Variants in UTP25 observed in about 807,000 individuals in gnomAD.
The protein encoded by UTP25 is U3 small nucleolar RNA-associated protein 25 homolog.
Under a neutral mutation model 78.9 loss-of-function variants are expected in UTP25, and 50 were observed. The observed-to-expected ratio is 0.63, with a 90% CI of 0.50 to 0.80. The LOEUF is 0.80. UTP25 is among the 30% of genes least tolerant of loss of function. UTP25 has a pLI of 0.00. For synonymous variants in UTP25, 329 were observed against 336.5 expected, an observed-to-expected ratio of 0.98 and a Z score of 0.24; for missense variants, 846 against 911.3, an observed-to-expected ratio of 0.93 and a Z score of 0.92.
intron 8 of UTP25, among the ~76,000 whole-genome samples, chr1:209,841,890 A>G (rs866022845): frequency 7.9e-5 from 12 of 152,346 alleles, no homozygotes; most frequent in Middle Eastern, 6.8e-3. Context: ...AACTATTCCT[A>G]ATGTTTTGAG....
Position 209,856,932 on chromosome 1 carries a change from T to C in UTP25, c.*5485T>C, listed in dbSNP as rs1288427273. 1 of 152,250 alleles carries C rather than the reference T, an allele frequency of 6.6e-6. No homozygotes were observed. The highest frequency in any genetic ancestry group is 1.5e-5 in the Non-Finnish European group (1 of 68,046). The allele number at this position is 152,250 out of a possible 1,614,324, so 9.4% of individuals were successfully genotyped here. On this transcript the variant is annotated 3_prime_UTR_variant, in exon 12 of 12. Coordinates refer to ENST00000491415, the MANE Select transcript of UTP25 (RefSeq NM_014388.7). ...AAAATAATTAGCAAGAGAACAGACTTCAGCTCTCTGAAGGCTGATGACCAC... is the reference window on the plus strand; with the variant it reads ...AAAATAATTAGCAAGAGAACAGACTCCAGCTCTCTGAAGGCTGATGACCAC...
chr1:209,843,775 C>G, intron 11 of UTP25, 79 bp downstream of exon 11: 1 of 1,527,736 alleles, frequency 6.5e-7, no homozygotes, highest in East Asian at 2.3e-5. Flanking sequence ...GAATGCATGG[C>G]AGGCTTCGTG....
intron 11 of UTP25, among the ~76,000 whole-genome samples, chr1:209,847,385 C>T (rs1168095767): frequency 1.3e-5 from 2 of 152,210 alleles, no homozygotes; most frequent in South Asian, 2.1e-4. Context: ...TCTCTATCCC[C>T]ACTCACATCT....
chr1:209,848,895 A>G lies in UTP25; in HGVS notation c.2028-2309A>G, dbSNP rs564544566. On this transcript the variant is annotated intron_variant, in intron 11 of 11. Coordinates refer to ENST00000491415, the MANE Select transcript of UTP25 (RefSeq NM_014388.7). ...TAGGCCACTGGTGTGGGTGCTATCAATCTAGTCAGGATTTGATTGTTACTG... is the reference window on the plus strand; with the variant it reads ...TAGGCCACTGGTGTGGGTGCTATCAGTCTAGTCAGGATTTGATTGTTACTG... 1.7e-4 allele frequency among the ~76,000 whole-genome samples: 26 copies of G among 152,284 alleles called. No homozygotes were observed. In the East Asian group the frequency reaches 3.9e-3, roughly 23 times the overall value.
chr1:209,839,114 A>G lies in UTP25; in HGVS notation c.1268A>G (p.Asp423Gly). The G allele has an allele frequency of 6.2e-7, 1 of 1,611,402 alleles. No individual in the cohort carries two copies. The highest frequency in any genetic ancestry group is 8.5e-7 in the Non-Finnish European group (1 of 1,178,038). The part of the protein sequence containing the change: ...YEAVFVGNID[D>G]HFRIGVAILQ... Reference sequence around the variant, plus strand: ...GCCGTATTTGTGGGCAATATTGATGACCACTTCAGGATTGGTAATTCTTCC... The same window carrying G: ...GCCGTATTTGTGGGCAATATTGATGGCCACTTCAGGATTGGTAATTCTTCC... Residue 423 changes from aspartate (D) to glycine (G), a missense_variant, in exon 7 of 12, where the codon GAC becomes GGC. Transcript: ENST00000491415.
At chr1:209,842,538 G>C (rs755210701) in intron 9 of UTP25, 45 bp from the exon 10 acceptor site, 1 of 1,611,378 alleles carries the variant, frequency 6.2e-7, no homozygotes, top group Non-Finnish European at 8.5e-7. Context: ...TTCTGGTCAA[G>C]AAGGGGATGG....
rs765221326 is a variant in UTP25, at chr1:209,842,328, C to T, written c.1549C>T (p.Arg517Trp). 30 of 1,613,928 alleles carry T rather than the reference C, an allele frequency of 1.9e-5. No homozygotes were observed. Among genetic ancestry groups the T allele is most frequent in the African/African-American group, 1.3e-5 (1 of 74,908 alleles). Residue 517 changes from arginine (R) to tryptophan (W), a missense_variant, in exon 9 of 12, where the codon CGG (arginine) becomes TGG (tryptophan). Transcript: ENST00000491415. The part of the protein sequence containing the change: ...DSHGVDFSRV[R>W]MWSLNNWSKY... ...ACATGGGGTAGACTTTTCTCGAGTG[C>T]GGATGTGGAGCCTCAATAATTGGTC... is the stretch of plus-strand genomic sequence containing the variant.
chr1:209,852,153 A>C lies in UTP25; in HGVS notation c.*706A>C, dbSNP rs764663297. On this transcript the variant is annotated 3_prime_UTR_variant, in exon 12 of 12. Coordinates refer to ENST00000491415, the MANE Select transcript of UTP25 (RefSeq NM_014388.7). ...ATCCATCTTCAACAGTAGTGTCTTC[A>C]TAATAACTAGTCATTTTTTCAGTCA... 6.6e-6 allele frequency: 1 copy of C among 152,218 alleles called. No individual in the cohort carries two copies. The highest frequency in any genetic ancestry group is 1.9e-4 in the East Asian group (1 of 5,202). 9.4% of individuals were successfully genotyped at this position (152,218 alleles called of 1,614,324 possible).
intron 5 of UTP25, 89 bp downstream of exon 5, chr1:209,835,252 T>C (rs2078126766): frequency 2.7e-6 from 3 of 1,112,692 alleles, no homozygotes; most frequent in African/African-American, 1.5e-5. Context: ...CCAGAATGTA[T>C]GATATACACC....
At chr1:209,849,095 G>T (rs1331596612) in intron 11 of UTP25, among the ~76,000 whole-genome samples, 1 of 152,064 alleles carries the variant, frequency 6.6e-6, no homozygotes, top group African/African-American at 2.4e-5. Flanking sequence ...CTCCTCACAG[G>T]AGGCCTCTTG....
intron 6 of UTP25, 86 bp downstream of exon 6, chr1:209,837,297 G>T: frequency 6.9e-7 from 1 of 1,445,482 alleles, no homozygotes; most frequent in Non-Finnish European, 9.3e-7. Flanking sequence ...AGGAACTTGG[G>T]TATTTTAATA....
chr1:209,835,739 A>G (rs546106936), intron 5 of UTP25, among the ~76,000 whole-genome samples: 1 of 152,332 alleles, frequency 6.6e-6, no homozygotes, highest in African/African-American at 2.4e-5. Context: ...ATAGATATAC[A>G]TGCAGTTGTA....
rs780867948 is a variant in UTP25, at chr1:209,840,858, G to A, written c.1288G>A (p.Ala430Thr). 3.1e-6 allele frequency: 5 copies of A among 1,612,084 alleles called. No individual in the cohort carries two copies. The East Asian group carries it at 8.9e-5, about 29-fold the overall frequency. Residue 430 changes from alanine (A) to threonine (T), a missense_variant, in exon 8 of 12, where the codon GCA (alanine) becomes ACA (threonine). By Grantham distance (58) the Ala-to-Thr change is moderately conservative. Coordinates refer to ENST00000491415, the MANE Select transcript of UTP25 (RefSeq NM_014388.7). ...NIDDHFRIGV[A>T]ILQRSIRLYA... ...TACTTGGCTGTTTTGTGTAGGAGTGGCAATACTTCAGAGAAGCATCCGACT... is the reference window on the plus strand; with the variant it reads ...TACTTGGCTGTTTTGTGTAGGAGTGACAATACTTCAGAGAAGCATCCGACT...
intron 11 of UTP25, among the ~76,000 whole-genome samples, chr1:209,845,625 A>G (rs1335841933): frequency 6.6e-6 from 1 of 152,216 alleles, no homozygotes; most frequent in Non-Finnish European, 1.5e-5. Context: ...ATCTCAGCAT[A>G]TGCCATTTGC....
Position 209,855,646 on chromosome 1 carries a change from C to T in UTP25, c.*4199C>T, listed in dbSNP as rs2078270116. 1 of 152,436 alleles carries T rather than the reference C, an allele frequency of 6.6e-6. No individual in the cohort carries two copies. Among genetic ancestry groups the T allele is most frequent in the South Asian group, 2.1e-4 (1 of 4,834 alleles). The allele number at this position is 152,436 out of a possible 1,614,324, so 9.4% of individuals were successfully genotyped here. On this transcript the variant is annotated 3_prime_UTR_variant, in exon 12 of 12. Coordinates refer to ENST00000491415, the MANE Select transcript of UTP25 (RefSeq NM_014388.7). Reference sequence around the variant, plus strand: ...CTTGCTTGTTCTCCTGATGGCCCCTCACAGTCAGGTGTGGGATGGCACATT... The same window carrying T: ...CTTGCTTGTTCTCCTGATGGCCCCTTACAGTCAGGTGTGGGATGGCACATT...
At chr1:209,829,954 G>A (rs900177188) in intron 1 of UTP25, among the ~76,000 whole-genome samples, 154 bp from the exon 2 acceptor site, 3 of 152,158 alleles carry the variant, frequency 2.0e-5, no homozygotes, top group Non-Finnish European at 4.4e-5. Context: ...ATTCTTGCCA[G>A]CCCTGCCCAA....
At chr1:209,848,857 C>T (rs1193970457) in intron 11 of UTP25, among the ~76,000 whole-genome samples, 5 of 152,164 alleles carry the variant, frequency 3.3e-5, no homozygotes, top group Admixed American at 2.0e-4. Context: ...TATGTCCGGC[C>T]GCACCCCTTC....
At chr1:209,828,864 C>T (rs1190908465) in intron 1 of UTP25, among the ~76,000 whole-genome samples, 1 of 151,470 alleles carries the variant, frequency 6.6e-6, no homozygotes, top group Non-Finnish European at 1.5e-5. Context: ...CCTCCGTCTC[C>T]CGGGCTTAAG....
rs370675028 is a variant in UTP25, at chr1:209,828,015, T to C, written c.-49T>C. 6.8e-7 allele frequency: 1 copy of C among 1,476,876 alleles called. No homozygotes were observed. The highest frequency in any genetic ancestry group is 9.5e-7 in the Non-Finnish European group (1 of 1,055,228). 91.5% of individuals were successfully genotyped at this position (1,476,876 alleles called of 1,614,324 possible). Reference sequence around the variant, plus strand: ...TGCTTGTGTTGACTGGACAACTTCCTGGTGGAAAACCGCGACTCTTGCAAG... The same window carrying C: ...TGCTTGTGTTGACTGGACAACTTCCCGGTGGAAAACCGCGACTCTTGCAAG... On this transcript the variant is annotated 5_prime_UTR_variant, in exon 1 of 12. Coordinates refer to ENST00000491415, the MANE Select transcript of UTP25 (RefSeq NM_014388.7).
Sources: allele counts gnomAD v4.1 joint callset (sites outside exome capture counted in the v4.1 genomes callset), GRCh38; gene constraint gnomAD v4.1.1; transcripts MANE v1.5; gene names NCBI Gene and HGNC (gene_info 2026-07-23, HGNC 2026-07-21).